HPSE2: variants seen among roughly 807,000 people sequenced by gnomAD.
The protein encoded by HPSE2 is heparanase 2 (inactive), also known as inactive heparanase-2.
In HPSE2, 38 loss-of-function variants were observed where a neutral mutation model predicts 60.5. The ratio of observed to expected loss-of-function variants is 0.63; its 90% CI spans 0.48 to 0.82. The LOEUF (loss-of-function observed/expected upper bound fraction) is 0.82. Among genes scored for constraint, HPSE2 ranks in the 40% least tolerant of loss-of-function variants. The probability of loss-of-function intolerance (pLI) is 0.00; values close to 1 mark genes in which losing one functional copy is unlikely to be tolerated. For missense variants in HPSE2, 713 were observed against 740.4 expected (o/e 0.96, Z 0.43); for synonymous variants, 295 against 293.2 (o/e 1.01, Z -0.06).
chr10:98,606,913 T>C (rs2133957226), intron 9 of HPSE2, among the ~76,000 whole-genome samples: 1 of 152,340 alleles, frequency 6.6e-6, no homozygotes, highest in East Asian at 1.9e-4. Context: ...CCAGACATCG[T>C]TGTGCCCTTA....
At chr10:99,142,591 G>A (rs763662105) in intron 3 of HPSE2, among the ~76,000 whole-genome samples, 1 of 152,198 alleles carries the variant, frequency 6.6e-6, no homozygotes, top group Non-Finnish European at 1.5e-5. Context: ...AGAAGTGAGA[G>A]CAGGAAAGAG....
At chr10:98,649,480 T>A (rs1313787124) in intron 6 of HPSE2, among the ~76,000 whole-genome samples, 1 of 152,214 alleles carries the variant, frequency 6.6e-6, no homozygotes, top group Non-Finnish European at 1.5e-5. Context: ...TACTTTGATC[T>A]GCCAAGTGTC....
chr10:98,671,201 C>A (rs553258482), intron 6 of HPSE2, among the ~76,000 whole-genome samples: 1 of 152,122 alleles, frequency 6.6e-6, no homozygotes, highest in African/African-American at 2.4e-5. Context: ...GGGTTCTACA[C>A]GAGGAACATA....
At chr10:99,254,070 T>C in the HPSE2 span, among the ~76,000 whole-genome samples, 1 of 152,094 alleles carries the variant, frequency 6.6e-6, no homozygotes, top group Non-Finnish European at 1.5e-5. Flanking sequence ...TGGGTATACA[T>C]CCAGAGAAAA....
chr10:98,690,733 G>T (rs1002392342), intron 6 of HPSE2, among the ~76,000 whole-genome samples: 3 of 151,150 alleles, frequency 2.0e-5, no homozygotes, highest in African/African-American at 4.9e-5. Flanking sequence ...GGGTTATTAT[G>T]ATACAAGCTA....
At chr10:98,660,373 T>C (rs993395028) in intron 6 of HPSE2, among the ~76,000 whole-genome samples, 1 of 152,222 alleles carries the variant, frequency 6.6e-6, no homozygotes, top group Non-Finnish European at 1.5e-5. Flanking sequence ...ATAAAGGTCT[T>C]CTCACTTATA....
chr10:99,059,475 G>T (rs1445985276), intron 3 of HPSE2, among the ~76,000 whole-genome samples: 1 of 152,038 alleles, frequency 6.6e-6, no homozygotes, highest in African/African-American at 2.4e-5. Flanking sequence ...TTGGCATAAA[G>T]AAAAAGTAGT....
chr10:98,702,209 AAAG>A (rs1051183862), intron 5 of HPSE2, among the ~76,000 whole-genome samples: 3 of 152,216 alleles, frequency 2.0e-5, no homozygotes, highest in Non-Finnish European at 4.4e-5. Context: ...CAAAAAAGAC[AAAG>A]AAGGGCATTA....
chr10:99,221,799 G>T (rs769211921), intron 2 of HPSE2, among the ~76,000 whole-genome samples: 1 of 152,080 alleles, frequency 6.6e-6, no homozygotes, highest in Non-Finnish European at 1.5e-5. Flanking sequence ...ACAGGGAGGC[G>T]GAGAGAAGAA....
chr10:99,205,388 C>A lies in HPSE2; in HGVS notation c.448+26960G>T, dbSNP rs143140128. On this transcript the variant is annotated intron_variant, in intron 2 of 11. Transcript: ENST00000370552. The stretch of plus-strand genomic sequence containing the variant: ...TGGATCATGAGGTCAGGAGTTCAAG[C>A]CTGACCAAGATGGTGAAAGCCCCTC... Among the ~76,000 whole-genome samples, 341 of 152,052 alleles carry A rather than the reference C, an allele frequency of 2.2e-3. 1 individual carries two copies. The highest frequency in any genetic ancestry group is 7.7e-3 in the African/African-American group (321 of 41,492).
In HPSE2 at chr10:98,621,147, C is replaced by A. The variant is rs920162816; in HGVS notation, c.1099-439G>T. ...AACACAAGCATCAAAAGCCACAAAT[C>A]ACAAGAAGGTAGAGAGAATGCTCGT... On this transcript the variant is annotated intron_variant, in intron 7 of 11. Coordinates refer to ENST00000370552, the MANE Select transcript of HPSE2 (RefSeq NM_021828.5). Among the ~76,000 whole-genome samples the A allele has an allele frequency of 3.3e-5, 5 of 152,118 alleles. No individual in the cohort carries two copies. The South Asian group carries it at 1.0e-3, about 32-fold the overall frequency.
intron 2 of HPSE2, among the ~76,000 whole-genome samples, chr10:99,164,372 G>A (rs1194744346): frequency 6.7e-6 from 1 of 149,238 alleles, no homozygotes; most frequent in Non-Finnish European, 1.5e-5. Context: ...TTTTTCAGCT[G>A]AGCTTCTATA....
chr10:99,004,997 G>T (rs1168508239), intron 3 of HPSE2, among the ~76,000 whole-genome samples: 1 of 152,104 alleles, frequency 6.6e-6, no homozygotes, highest in African/African-American at 2.4e-5. Context: ...TAAAGTTTCT[G>T]CTCAGAAGTC....
intron 3 of HPSE2, among the ~76,000 whole-genome samples, chr10:99,038,542 T>A (rs1260192346): frequency 6.6e-6 from 1 of 152,156 alleles, no homozygotes; most frequent in Non-Finnish European, 1.5e-5. Flanking sequence ...TAGGTGTGAC[T>A]ATCAAAAGGT....
intron 3 of HPSE2, among the ~76,000 whole-genome samples, chr10:99,097,635 A>C (rs986649579): frequency 1.3e-5 from 2 of 152,182 alleles, no homozygotes; most frequent in African/African-American, 4.8e-5. Context: ...TTATTTTCTT[A>C]AACACAATAT....
At chr10:98,513,464 C>T (rs1942489807) in intron 9 of HPSE2, among the ~76,000 whole-genome samples, 1 of 152,150 alleles carries the variant, frequency 6.6e-6, no homozygotes, top group African/African-American at 2.4e-5. Flanking sequence ...CCTTGAATTA[C>T]AGTCCAGAGG....
chr10:99,023,805 C>G (rs1038140908), intron 3 of HPSE2, among the ~76,000 whole-genome samples: 2 of 152,230 alleles, frequency 1.3e-5, no homozygotes, highest in Non-Finnish European at 2.9e-5. Flanking sequence ...CCCCCAAAAG[C>G]AGATACAGCT....
At chr10:98,873,565 A>G (rs1030681725) in intron 3 of HPSE2, among the ~76,000 whole-genome samples, 2 of 152,094 alleles carry the variant, frequency 1.3e-5, no homozygotes, top group Admixed American at 1.3e-4. Context: ...CGAATACTGC[A>G]TAGTATTCGA....
intron 3 of HPSE2, among the ~76,000 whole-genome samples, chr10:98,905,046 CATA>C (rs1953771498): frequency 6.6e-6 from 1 of 152,030 alleles, no homozygotes; most frequent in Non-Finnish European, 1.5e-5. Context: ...CATACATGGG[CATA>C]ATAAGAGACA....
Sources: gnomAD v4.1 joint callset for allele counts (sites outside exome capture counted in the v4.1 genomes callset) on GRCh38, gnomAD v4.1.1 for gene constraint, MANE v1.5 for transcripts, NCBI Gene and HGNC (gene_info 2026-07-23, HGNC 2026-07-21) for gene names.